Variants in NOD2 observed in about 807,000 individuals in gnomAD.
The protein encoded by NOD2 is nucleotide-binding oligomerization domain-containing protein 2.
In NOD2, 86 loss-of-function variants were observed where a neutral mutation model predicts 90.9. That is an observed-to-expected ratio of 0.95 (90% CI 0.79 to 1.13). NOD2 has a LOEUF of 1.13. Ranked by LOEUF, NOD2 falls within the 50% of genes most tolerant of loss-of-function variation. NOD2 has a pLI of 0.00. For synonymous variants in NOD2, 581 were observed against 554.6 expected, an observed-to-expected ratio of 1.05 and a Z score of -0.67; for missense variants, 1,238 against 1,283.8, an observed-to-expected ratio of 0.96 and a Z score of 0.55.
chr16:50,699,608 T>C lies in NOD2; in HGVS notation c.113T>C (p.Val38Ala), dbSNP rs1963831307. ...SVLDWLLSWE[V>A]LSWEDYEGFH... ...CTGGACTGGCTGCTGTCCTGGGAGG[T>C]CCTCTCCTGGGAGGACTACGAGGGC... Residue 38 changes from valine to alanine, a missense_variant, in exon 2 of 12, where the codon GTC (valine) becomes GCC (alanine). This residue lies in a region of NOD2 where 567 missense variants were observed against 577.3 expected (regional missense o/e 0.98). Transcript: ENST00000647318. 2.5e-6 allele frequency: 4 copies of C among 1,613,140 alleles called. No individual in the cohort carries two copies. The South Asian group carries it at 4.4e-5, about 18-fold the overall frequency.
rs754383446 is a variant in NOD2 at position 50,697,243 on chromosome 16, G to A, written c.-8-2245G>A. On this transcript the variant is annotated intron_variant, in intron 1 of 11. Transcript: ENST00000647318. ...CTGCTCCCCCAGCCTAATGGGCTTT[G>A]ATGGGGGAAGAGGGTGGTTCAGCCT... The A allele has an allele frequency of 3.7e-5, 57 of 1,555,846 alleles. 1 individual carries two copies. The South Asian group carries it at 6.1e-4, about 17-fold the overall frequency.
At chr16:50,728,413 G>T (rs1965339551) in intron 10 of NOD2, 2 of 266,286 alleles carry the variant, frequency 7.5e-6, no homozygotes, top group African/African-American at 2.2e-5. Flanking sequence ...TAAGAAAATT[G>T]CTTGAATTTG....
At chr16:50,705,019 C>T (rs955321762) in intron 2 of NOD2, among the ~76,000 whole-genome samples, 9 of 152,148 alleles carry the variant, frequency 5.9e-5, no homozygotes, top group African/African-American at 1.9e-4. Context: ...CATTTTATCT[C>T]TTCTCTTTTC....
At chr16:50,726,557 A>G (rs750382396) in intron 10 of NOD2, among the ~76,000 whole-genome samples, 2 of 152,158 alleles carry the variant, frequency 1.3e-5, no homozygotes, top group African/African-American at 4.8e-5. Flanking sequence ...GCCAGATGCC[A>G]GCTTTGCACT....
At chr16:50,716,732 C>A in intron 5 of NOD2, 62 bp downstream of exon 5, 1 of 1,557,528 alleles carries the variant, frequency 6.4e-7, no homozygotes, top group Non-Finnish European at 8.9e-7. Context: ...CCAGGTCGTG[C>A]AGCCTGGGAA....
rs781099046 is a variant in NOD2 at position 50,710,670 on chromosome 16, A to T, written c.678A>T (p.Thr226=). 6 of 1,614,156 alleles carry T rather than the reference A, an allele frequency of 3.7e-6. No homozygotes were observed. In the South Asian group the frequency reaches 6.6e-5, roughly 18 times the overall value. Residue 226 remains threonine (T), a synonymous_variant, in exon 4 of 12, where the codon ACA becomes ACT. Transcript: ENST00000647318. Reference sequence around the variant, plus strand: ...CGCTCTGCCTGGAGGACATATACACAGAGAATGTCCTGGAGGTCTGGGCAG... The same window carrying T: ...CGCTCTGCCTGGAGGACATATACACTGAGAATGTCCTGGAGGTCTGGGCAG... ...AETLCLEDIY[T]ENVLEVWADV...
intron 6 of NOD2, among the ~76,000 whole-genome samples, chr16:50,718,624 C>G (rs1036168875): frequency 9.2e-5 from 14 of 152,140 alleles, no homozygotes; most frequent in Admixed American, 9.2e-4. Context: ...AGGTTTGAAC[C>G]CTCATTAGCT....
At position 50,732,052 on chromosome 16, in the gene NOD2, A is replaced by G; in HGVS notation, c.*233A>G. 1 of 549,574 alleles carries G rather than the reference A, an allele frequency of 1.8e-6. No homozygotes were observed. The highest frequency in any genetic ancestry group is 3.3e-6 in the Non-Finnish European group (1 of 300,036). The allele number at this position is 549,574 out of a possible 1,614,324, so 34.0% of individuals were successfully genotyped here. A position where few individuals can be genotyped will look rare whatever the true frequency, so the allele number is the denominator to read the frequency against. The stretch of plus-strand genomic sequence containing the variant: ...CTACTTTTGCCATTGACTTCTTCCC[A>G]AGATTCAATCCCAGGATGTACAAGG... On this transcript the variant is annotated 3_prime_UTR_variant, in exon 12 of 12. Coordinates refer to ENST00000647318, the MANE Select transcript of NOD2 (RefSeq NM_001370466.1).
chr16:50,723,167 AGCACCGC>A, intron 8 of NOD2, 127 bp from the exon 9 acceptor site: 1 of 629,420 alleles, frequency 1.6e-6, no homozygotes, highest in South Asian at 1.7e-5. Flanking sequence ...AAAAAGAAAG[AGCACCGC>A]AATCAATTAG....
chr16:50,698,567 C>A (rs1963772405), intron 1 of NOD2, among the ~76,000 whole-genome samples: 1 of 152,212 alleles, frequency 6.6e-6, no homozygotes, highest in Non-Finnish European at 1.5e-5. Context: ...CCGTGGGGAA[C>A]CCAAATGTAA....
chr16:50,711,029 G>C lies in NOD2; in HGVS notation c.1037G>C (p.Arg346Pro), dbSNP rs764176270. ...IFQLLLDHPDRVLLTFDGFDE... is the reference protein window; with the variant it reads ...IFQLLLDHPDPVLLTFDGFDE... The stretch of plus-strand genomic sequence containing the variant: ...CAGTTACTCCTTGACCACCCTGACC[G>C]TGTCCTGTTAACCTTTGATGGCTTT... Residue 346 changes from arginine to proline, a missense_variant, in exon 4 of 12, where the codon CGT becomes CCT. This residue lies in a region of NOD2 where 567 missense variants were observed against 577.3 expected (regional missense o/e 0.98). Transcript: ENST00000647318. 6.2e-7 allele frequency: 1 copy of C among 1,614,190 alleles called. No homozygotes were observed. Among genetic ancestry groups the C allele is most frequent in the Non-Finnish European group, 8.5e-7 (1 of 1,180,038 alleles).
rs1965151232 is a variant in NOD2, at chr16:50,723,324, G to A, written c.2741G>A (p.Ser914Asn). The change falls in exon 9 of 12, where the codon AGT (serine) becomes AAT (asparagine). Residue 914 changes from serine (S) to asparagine (N), a missense_variant. By Grantham distance (46) the Ser-to-Asn change is conservative. Around this residue, in one of 3 missense-constraint regions of NOD2, gnomAD observed 667 missense variants for 688.7 expected, o/e 0.97. Transcript: ENST00000647318. The part of the protein sequence containing the change: ...WLSLVGNNIG[S>N]VGAQALALML... ...AGCCTGGTGGGGAACAACATTGGCA[G>A]TGTGGGTGCCCAAGCCTTGGCACTG... 2 of 1,613,916 alleles carry A rather than the reference G, an allele frequency of 1.2e-6. No homozygotes were observed. Among genetic ancestry groups the A allele is most frequent in the African/African-American group, 1.3e-5 (1 of 74,988 alleles).
chr16:50,711,047 A>G lies in NOD2; in HGVS notation c.1055A>G (p.Asp352Gly), dbSNP rs1272071952. The change falls in exon 4 of 12, where the codon GAT becomes GGT. Residue 352 changes from aspartate to glycine, a missense_variant. Physicochemically the swap from Asp to Gly is moderately conservative, Grantham distance 94. This residue lies in a region of NOD2 where 567 missense variants were observed against 577.3 expected (regional missense o/e 0.98). Transcript: ENST00000647318. The part of the protein sequence containing the change: ...DHPDRVLLTF[D>G]GFDEFKFRFT... ...CCTGACCGTGTCCTGTTAACCTTTG[A>G]TGGCTTTGACGAGTTCAAGTTCAGG... 1 of 1,613,936 alleles carries G rather than the reference A, an allele frequency of 6.2e-7. No homozygotes were observed. The highest frequency in any genetic ancestry group is 8.5e-7 in the Non-Finnish European group (1 of 1,180,008).
chr16:50,719,832 C>T lies in NOD2; in HGVS notation c.2550-93C>T, dbSNP rs536607143. ...CTGCCTCCCGGGCAGGTCTTCAATGCTTTCTTCCTGTGTTTCCCTGGCCAG... is the reference window on the plus strand; with the variant it reads ...CTGCCTCCCGGGCAGGTCTTCAATGTTTTCTTCCTGTGTTTCCCTGGCCAG... On this transcript the variant is annotated intron_variant, in intron 6 of 11. Coordinates refer to ENST00000647318, the MANE Select transcript of NOD2 (RefSeq NM_001370466.1). 5 of 1,201,230 alleles carry T rather than the reference C, an allele frequency of 4.2e-6. No individual in the cohort carries two copies. In the East Asian group the frequency reaches 1.2e-4, roughly 28 times the overall value. The allele number at this position is 1,201,230 out of a possible 1,614,324, so 74.4% of individuals were successfully genotyped here.
chr16:50,729,442 C>T (rs758675920), intron 10 of NOD2, among the ~76,000 whole-genome samples: 20 of 152,198 alleles, frequency 1.3e-4, no homozygotes, highest in Non-Finnish European at 2.6e-4. Flanking sequence ...CTCGATGGCA[C>T]GGGTACTCTT....
At chr16:50,715,955 AG>A (rs2150822586) in intron 4 of NOD2, among the ~76,000 whole-genome samples, 1 of 152,300 alleles carries the variant, frequency 6.6e-6, no homozygotes, top group Non-Finnish European at 1.5e-5. Context: ...TCTGTCTTTT[AG>A]GGAAGCTTTC....
At chr16:50,705,574 C>G (rs1335799251) in intron 2 of NOD2, among the ~76,000 whole-genome samples, 1 of 152,222 alleles carries the variant, frequency 6.6e-6, no homozygotes, top group Non-Finnish European at 1.5e-5. Context: ...GAGTACACCA[C>G]AGACCTTTTG....
Position 50,711,940 on chromosome 16 carries a change from T to C in NOD2, c.1948T>C (p.Phe650Leu). 1 of 1,612,292 alleles carries C rather than the reference T, an allele frequency of 6.2e-7. No individual in the cohort carries two copies. Among genetic ancestry groups the C allele is most frequent in the Non-Finnish European group, 8.5e-7 (1 of 1,178,894 alleles). The change falls in exon 4 of 12, where the codon TTC becomes CTC. Residue 650 changes from phenylalanine to leucine, a missense_variant. Coordinates refer to ENST00000647318, the MANE Select transcript of NOD2 (RefSeq NM_001370466.1). ...EPHNLQITAA[F>L]LAGLLSREHW... ...GCACAACCTTCAGATCACAGCAGCC[T>C]TCCTGGCAGGGCTGTTGTCCCGGGA...
chr16:50,727,731 G>A, intron 10 of NOD2: 1 of 353,276 alleles, frequency 2.8e-6, no homozygotes, highest in Non-Finnish European at 5.6e-6. Context: ...GTGTTGTCGT[G>A]GAGAATTGGA....
Sources: gnomAD v4.1 joint callset for allele counts (sites outside exome capture counted in the v4.1 genomes callset) on GRCh38, gnomAD v4.1.1 for gene constraint, gnomAD v4.1.1 regional missense constraint, MANE v1.5 for transcripts, NCBI Gene and HGNC (gene_info 2026-07-23, HGNC 2026-07-21) for gene names.